Variants in SEL1L2 observed in about 807,000 individuals in gnomAD.
SEL1L2 encodes SEL1L2 adaptor subunit of SYVN1 ubiquitin ligase.
In SEL1L2, 89 loss-of-function variants were observed where a neutral mutation model predicts 98.8. The ratio of observed to expected loss-of-function variants is 0.90; its 90% CI spans 0.76 to 1.07. SEL1L2 has a LOEUF of 1.07. Ranked by LOEUF, SEL1L2 falls within the 50% of genes least tolerant of loss-of-function variation. The pLI, the probability that SEL1L2 is intolerant of heterozygous loss-of-function variation, is 0.00. For synonymous variants in SEL1L2, 262 were observed against 278.5 expected (o/e 0.94, Z 0.59); for missense variants, 788 against 812.0 (o/e 0.97, Z 0.36).
At chr20:13,869,639 T>C in intron 13 of SEL1L2, 49 bp from the exon 14 acceptor site, 3 of 1,396,242 alleles carry the variant, frequency 2.1e-6, no homozygotes, top group Middle Eastern at 1.8e-4. Flanking sequence ...TAAAACTCCA[T>C]GGAAACAATT....
In SEL1L2 at chr20:13,949,343, T is replaced by C. The variant is rs1259052953; in HGVS notation, c.114+6733A>G. The stretch of plus-strand genomic sequence containing the variant: ...TGAAAACCTCAATGAGCCACCACCT[T>C]ACACCCTATTCAAATGGCTACTATA... On this transcript the variant is annotated intron_variant, in intron 2 of 19. Transcript: ENST00000284951. 2.6e-5 allele frequency among the ~76,000 whole-genome samples: 4 copies of C among 152,134 alleles called. No individual in the cohort carries two copies. The East Asian group carries it at 7.7e-4, about 29-fold the overall frequency.
At chr20:13,944,878 G>GAAACAGTGATCTTAGGGAGAAA (rs1569016936) in intron 2 of SEL1L2, among the ~76,000 whole-genome samples, 1 of 152,096 alleles carries the variant, frequency 6.6e-6, no homozygotes, top group East Asian at 1.9e-4. Context: ...GAAGGGAGAA[G>GAAACAGTGATCTTAGGGAGAAA]ATATGAAACA....
At chr20:13,952,279 A>G (rs1217760932) in intron 2 of SEL1L2, among the ~76,000 whole-genome samples, 1 of 152,224 alleles carries the variant, frequency 6.6e-6, no homozygotes, top group Non-Finnish European at 1.5e-5. Flanking sequence ...GGATCTAAGG[A>G]ATCCAGAGGC....
intron 12 of SEL1L2, among the ~76,000 whole-genome samples, chr20:13,875,024 C>T (rs956386696): frequency 6.6e-6 from 1 of 152,116 alleles, no homozygotes. Flanking sequence ...GCCTCACGGA[C>T]CCCAGGAGCA....
At chr20:13,860,942 C>G (rs754970308) in intron 17 of SEL1L2, among the ~76,000 whole-genome samples, 1 of 152,134 alleles carries the variant, frequency 6.6e-6, no homozygotes, top group South Asian at 2.1e-4. Flanking sequence ...CAGTACAGCA[C>G]CCCCATTGTT....
chr20:13,968,388 C>G (rs1278235878), intron 1 of SEL1L2, among the ~76,000 whole-genome samples: 1 of 152,222 alleles, frequency 6.6e-6, no homozygotes, highest in Admixed American at 6.5e-5. Flanking sequence ...GTGCCTGGCA[C>G]AGTGCCTAGC....
chr20:13,879,468 C>T (rs1295254602), intron 10 of SEL1L2, among the ~76,000 whole-genome samples: 5 of 152,020 alleles, frequency 3.3e-5, no homozygotes, highest in Admixed American at 6.6e-5. Flanking sequence ...TCTCCTGCCT[C>T]GGCTTCCTGA....
intron 1 of SEL1L2, among the ~76,000 whole-genome samples, chr20:13,962,603 G>A (rs1753869135): frequency 6.6e-6 from 1 of 152,166 alleles, no homozygotes; most frequent in Non-Finnish European, 1.5e-5. Flanking sequence ...AACTCACTAA[G>A]TTTTGGGTTG....
intron 1 of SEL1L2, among the ~76,000 whole-genome samples, chr20:13,979,832 T>A (rs1246003544): frequency 6.6e-6 from 1 of 152,060 alleles, no homozygotes; most frequent in Non-Finnish European, 1.5e-5. Flanking sequence ...CCAAAAAGCA[T>A]AAGCAACAAA....
At chr20:13,887,429 C>G (rs2047005865) in intron 8 of SEL1L2, among the ~76,000 whole-genome samples, 1 of 152,020 alleles carries the variant, frequency 6.6e-6, no homozygotes, top group Non-Finnish European at 1.5e-5. Context: ...GGCAGTCATC[C>G]CATATTCTGA....
chr20:13,909,841 C>T (rs1163355347), intron 5 of SEL1L2, among the ~76,000 whole-genome samples: 6 of 152,040 alleles, frequency 3.9e-5, no homozygotes, highest in South Asian at 2.1e-4. Flanking sequence ...TGGCACAGCC[C>T]GTAGTTCCGT....
chr20:13,909,130 T>C (rs1011513343), intron 5 of SEL1L2, among the ~76,000 whole-genome samples: 5 of 152,204 alleles, frequency 3.3e-5, no homozygotes, highest in African/African-American at 9.7e-5. Context: ...ATTTTCTCTC[T>C]CTCTTTCTCC....
chr20:13,930,156 C>T (rs1285159470), intron 3 of SEL1L2, among the ~76,000 whole-genome samples: 1 of 152,134 alleles, frequency 6.6e-6, no homozygotes, highest in Non-Finnish European at 1.5e-5. Flanking sequence ...CTCCTAAGGA[C>T]CACACCACAT....
upstream of SEL1L2, among the ~76,000 whole-genome samples, chr20:13,993,387 G>A (rs2052574235): frequency 6.6e-6 from 1 of 152,178 alleles, no homozygotes; most frequent in South Asian, 2.1e-4. Context: ...GGGAGAAGGA[G>A]CATGAGTTCA....
intron 2 of SEL1L2, among the ~76,000 whole-genome samples, chr20:13,954,547 T>C (rs550538281): frequency 9.7e-4 from 148 of 152,256 alleles, no homozygotes; most frequent in Non-Finnish European, 1.6e-3. Context: ...TTTTGTATTG[T>C]GTTTTGTTTT....
At chr20:13,954,572 T>C (rs1033761639) in intron 2 of SEL1L2, among the ~76,000 whole-genome samples, 1 of 152,216 alleles carries the variant, frequency 6.6e-6, no homozygotes, top group African/African-American at 2.4e-5. Context: ...TACTTTCTAA[T>C]ATTCTGAAAT....
intron 10 of SEL1L2, among the ~76,000 whole-genome samples, chr20:13,882,041 A>C (rs975387292): frequency 6.6e-6 from 1 of 152,218 alleles, no homozygotes; most frequent in African/African-American, 2.4e-5. Context: ...TATATTACAT[A>C]ATGAATATAT....
chr20:13,887,498 A>C (rs1350002993), intron 8 of SEL1L2, among the ~76,000 whole-genome samples: 2 of 152,196 alleles, frequency 1.3e-5, no homozygotes, highest in Non-Finnish European at 2.9e-5. Context: ...ATTCTCAGTA[A>C]GGAAAGAACA....
At chr20:13,933,133 T>C (rs969814429) in intron 2 of SEL1L2, among the ~76,000 whole-genome samples, 5 of 152,038 alleles carry the variant, frequency 3.3e-5, no homozygotes, top group African/African-American at 1.2e-4. Context: ...TGCTTGAACC[T>C]GCGAGGCGGA....
Sources: gnomAD v4.1 joint callset for allele counts (sites outside exome capture counted in the v4.1 genomes callset) on GRCh38, gnomAD v4.1.1 for gene constraint, MANE v1.5 for transcripts, NCBI Gene and HGNC (gene_info 2026-07-23, HGNC 2026-07-21) for gene names.